CADM2: variants seen among roughly 807,000 people sequenced by gnomAD.
The protein encoded by CADM2 is cell adhesion molecule 2, also known as immunoglobulin superfamily member 4D.
A neutral mutation model predicts 49.8 loss-of-function variants in CADM2; 12 were observed. The observed-to-expected ratio is 0.24, with a 90% CI of 0.15 to 0.39. CADM2 has a LOEUF of 0.39. CADM2 is among the 10% of genes least tolerant of loss of function. The pLI is 1.00. For synonymous variants in CADM2, 214 were observed against 175.4 expected (o/e 1.22, Z -1.74); for missense variants, 378 against 492.3 (o/e 0.77, Z 2.20).
chr3:85,371,151 A>T (rs544039708), intron 1 of CADM2, among the ~76,000 whole-genome samples: 3 of 152,210 alleles, frequency 2.0e-5, no homozygotes, highest in South Asian at 2.1e-4. Flanking sequence ...AAGATAGAAA[A>T]TTTTTTATAT....
At chr3:85,660,376 G>A (rs1248066412) in intron 1 of CADM2, among the ~76,000 whole-genome samples, 2 of 151,444 alleles carry the variant, frequency 1.3e-5, no homozygotes, top group African/African-American at 4.9e-5. Context: ...CAACCTTTTA[G>A]ACTTTCTCTT....
chr3:85,966,428 C>T (rs1394136372), intron 8 of CADM2, among the ~76,000 whole-genome samples: 2 of 151,326 alleles, frequency 1.3e-5, no homozygotes, highest in East Asian at 2.0e-4. Flanking sequence ...ATTATTTTAC[C>T]ACTGTGCTAA....
intron 1 of CADM2, among the ~76,000 whole-genome samples, chr3:85,668,196 A>C (rs1376025809): frequency 6.6e-6 from 1 of 151,040 alleles, no homozygotes; most frequent in Non-Finnish European, 1.5e-5. Flanking sequence ...CCTCCTTCTG[A>C]TAGCAAAATC....
rs181830107 is a variant in CADM2, at chr3:85,928,303, C to T, written c.701-7464C>T. The stretch of plus-strand genomic sequence containing the variant: ...CCTCTCGAGTAGCTGGGATTACAGG[C>T]GCATGCCATCATGCCCAGCTAATTT... On this transcript the variant is annotated intron_variant, in intron 6 of 9. Coordinates refer to ENST00000383699, the MANE Select transcript of CADM2 (RefSeq NM_001167675.2). Among the ~76,000 whole-genome samples, 212 of 152,022 alleles carry T rather than the reference C, an allele frequency of 1.4e-3. 4 individuals are homozygous for T. The East Asian group carries it at 0.014, about 10-fold the overall frequency.
At chr3:85,900,819 C>T (rs1051334787) in intron 5 of CADM2, among the ~76,000 whole-genome samples, 1 of 152,120 alleles carries the variant, frequency 6.6e-6, no homozygotes, top group African/African-American at 2.4e-5. Context: ...TATTTTATGG[C>T]TTCTTCATAT....
intron 1 of CADM2, among the ~76,000 whole-genome samples, chr3:85,667,351 A>C (rs1233201010): frequency 1.3e-5 from 2 of 152,032 alleles, no homozygotes; most frequent in African/African-American, 4.8e-5. Flanking sequence ...TCAATATGAA[A>C]ATTATTACTA....
intron 1 of CADM2, among the ~76,000 whole-genome samples, chr3:85,039,803 A>T (rs1435518254): frequency 2.0e-5 from 3 of 152,168 alleles, no homozygotes; most frequent in Admixed American, 6.5e-5. Context: ...CAAGAAGCGC[A>T]GTGAGCTCCT....
At chr3:85,956,770 C>T (rs1295072606) in intron 7 of CADM2, among the ~76,000 whole-genome samples, 1 of 149,834 alleles carries the variant, frequency 6.7e-6, no homozygotes, top group Admixed American at 6.7e-5. Context: ...CTGAATTTAA[C>T]TACATATTTA....
chr3:85,649,248 A>T (rs1314251078), intron 1 of CADM2, among the ~76,000 whole-genome samples: 1 of 152,118 alleles, frequency 6.6e-6, no homozygotes, highest in Non-Finnish European at 1.5e-5. Context: ...TAATGAAACC[A>T]CTTCTGTTTC....
At chr3:85,948,528 T>C (rs1429192636) in intron 7 of CADM2, among the ~76,000 whole-genome samples, 1 of 151,396 alleles carries the variant, frequency 6.6e-6, no homozygotes, top group Non-Finnish European at 1.5e-5. Context: ...TGTGCTATTA[T>C]TTTAATTAAT....
chr3:85,412,957 C>T (rs1020291100), intron 1 of CADM2, among the ~76,000 whole-genome samples: 24 of 150,986 alleles, frequency 1.6e-4, no homozygotes, highest in African/African-American at 3.9e-4. Context: ...CTGGCTAACA[C>T]GGAGAAACCC....
At chr3:85,138,951 T>A (rs1273562562) in intron 1 of CADM2, among the ~76,000 whole-genome samples, 3 of 152,124 alleles carry the variant, frequency 2.0e-5, no homozygotes. Flanking sequence ...AAAGGGGAAG[T>A]TGAAAAATGG....
chr3:85,654,938 C>T (rs2107592874), intron 1 of CADM2, among the ~76,000 whole-genome samples: 1 of 152,202 alleles, frequency 6.6e-6, no homozygotes, highest in East Asian at 1.9e-4. Context: ...TTGGAAAAAA[C>T]TTAGATATAA....
At chr3:85,027,766 G>T (rs1040653535) in intron 1 of CADM2, among the ~76,000 whole-genome samples, 1 of 152,050 alleles carries the variant, frequency 6.6e-6, no homozygotes, top group East Asian at 1.9e-4. Context: ...TTTGAGATAG[G>T]TATATTATAG....
At chr3:86,014,841 C>T in intron 8 of CADM2, 2 of 1,512,446 alleles carry the variant, frequency 1.3e-6, no homozygotes, top group Non-Finnish European at 8.9e-7. Context: ...CCTCCACCTG[C>T]CTGACATCAA....
rs529554472 is a variant in CADM2, at chr3:85,609,260, G to A, written c.62-117262G>A. Among the ~76,000 whole-genome samples the A allele has an allele frequency of 4.6e-5, 7 of 152,164 alleles. No homozygotes were observed. The South Asian group carries it at 1.5e-3, about 32-fold the overall frequency. ...CCGAGAGGTGTTAGGGGCATGACAT[G>A]CACCTGTCTAGTCCATGTAATTGCT... On this transcript the variant is annotated intron_variant, in intron 1 of 9. Coordinates refer to ENST00000383699, the MANE Select transcript of CADM2 (RefSeq NM_001167675.2).
Position 86,069,159 on chromosome 3 carries a change from A to G in CADM2, c.*2376A>G, listed in dbSNP as rs542784185. 17 of 152,092 alleles carry G rather than the reference A, an allele frequency of 1.1e-4. No individual in the cohort carries two copies. In the East Asian group the frequency reaches 3.3e-3, roughly 29 times the overall value. 9.4% of individuals were successfully genotyped at this position (152,092 alleles called of 1,614,324 possible). On this transcript the variant is annotated 3_prime_UTR_variant, in exon 10 of 10. Transcript: ENST00000383699. ...ATTTACATCCCTCTTCATTTCATCT[A>G]TATTCTACTTGGCTCCAACAACTAA...
chr3:84,969,070 A>G (rs949639122), intron 1 of CADM2, among the ~76,000 whole-genome samples: 6 of 151,974 alleles, frequency 3.9e-5, no homozygotes, highest in Non-Finnish European at 8.8e-5. Flanking sequence ...TGTATGTGTT[A>G]TCACTTAACA....
intron 8 of CADM2, among the ~76,000 whole-genome samples, chr3:86,040,976 A>C (rs1735827917): frequency 6.6e-6 from 1 of 152,162 alleles, no homozygotes; most frequent in African/African-American, 2.4e-5. Context: ...ATATCCAGCC[A>C]AACTAAGCTT....
Sources: allele counts gnomAD v4.1 joint callset (sites outside exome capture counted in the v4.1 genomes callset), GRCh38; gene constraint gnomAD v4.1.1; transcripts MANE v1.5; gene names NCBI Gene and HGNC (gene_info 2026-07-23, HGNC 2026-07-21).